The following MMS22L variants were observed in gnomAD, a reference collection of about 807,000 sequenced individuals.
MMS22L encodes the protein protein MMS22-like.
In MMS22L, 74 loss-of-function variants were observed where a neutral mutation model predicts 159.1. That is an observed-to-expected ratio of 0.47 (90% CI 0.39 to 0.56). The LOEUF is 0.56. MMS22L is among the 20% of genes least tolerant of loss of function. The pLI, the probability that MMS22L is intolerant of heterozygous loss-of-function variation, is 0.00. For synonymous variants in MMS22L, 517 were observed against 506.9 expected (o/e 1.02, Z -0.27); for missense variants, 1,351 against 1,422.1 (o/e 0.95, Z 0.80).
chr6:97,176,337 T>C (rs1804110900), intron 18 of MMS22L, among the ~76,000 whole-genome samples: 1 of 152,082 alleles, frequency 6.6e-6, no homozygotes, highest in African/African-American at 2.4e-5. Flanking sequence ...TATTGCTCTA[T>C]GCTTAGGCTT....
chr6:97,191,491 A>G (rs1397243819), intron 14 of MMS22L, among the ~76,000 whole-genome samples: 2 of 150,120 alleles, frequency 1.3e-5, no homozygotes, highest in Non-Finnish European at 2.9e-5. Flanking sequence ...TTTTCATCAC[A>G]TGGAAAAAGC....
chr6:97,250,757 T>C (rs1813152609), intron 10 of MMS22L, among the ~76,000 whole-genome samples: 1 of 152,172 alleles, frequency 6.6e-6, no homozygotes. Context: ...AGATTTCACA[T>C]TAACCTTCAG....
At chr6:97,225,916 G>A (rs188501273) in intron 14 of MMS22L, among the ~76,000 whole-genome samples, 12 of 152,222 alleles carry the variant, frequency 7.9e-5, no homozygotes, top group Non-Finnish European at 1.6e-4. Flanking sequence ...TCCATACAAT[G>A]ATCTAAAAAT....
intron 14 of MMS22L, among the ~76,000 whole-genome samples, chr6:97,211,061 G>A (rs1437836617): frequency 6.6e-6 from 1 of 151,880 alleles, no homozygotes; most frequent in Non-Finnish European, 1.5e-5. Context: ...ACATTTTCAT[G>A]TACACAAGAG....
chr6:97,173,332 C>T (rs1803758429), intron 18 of MMS22L, 110 bp from the exon 19 acceptor site: 3 of 906,744 alleles, frequency 3.3e-6, no homozygotes, highest in Non-Finnish European at 5.0e-6. Context: ...ATACCCTTTA[C>T]ATTTAAGCCT....
At chr6:97,223,696 C>T (rs536419579) in intron 14 of MMS22L, among the ~76,000 whole-genome samples, 25 of 152,102 alleles carry the variant, frequency 1.6e-4, no homozygotes, top group Non-Finnish European at 3.1e-4. Context: ...GTAAACAATC[C>T]TGAATGATCT....
intron 4 of MMS22L, among the ~76,000 whole-genome samples, chr6:97,274,328 A>C (rs1283898916): frequency 6.6e-6 from 1 of 152,134 alleles, no homozygotes; most frequent in African/African-American, 2.4e-5. Flanking sequence ...TTATGGCTTT[A>C]TTTCACCCAT....
At chr6:97,227,030 T>G (rs1364336883) in intron 14 of MMS22L, among the ~76,000 whole-genome samples, 2 of 152,270 alleles carry the variant, frequency 1.3e-5, no homozygotes, top group East Asian at 3.9e-4. Context: ...ACTTGTCACT[T>G]TATATCTCTT....
chr6:97,158,778 G>A (rs1211450630), intron 22 of MMS22L, among the ~76,000 whole-genome samples: 1 of 152,160 alleles, frequency 6.6e-6, no homozygotes, highest in African/African-American at 2.4e-5. Context: ...TGACAAGAAT[G>A]TATATTCTGT....
chr6:97,282,246 A>C lies in MMS22L; in HGVS notation c.164+68T>G, dbSNP rs545941615. 687 of 1,519,400 alleles carry C rather than the reference A, an allele frequency of 4.5e-4. 2 individuals are homozygous for C. The highest frequency in any genetic ancestry group is 5.4e-4 in the Non-Finnish European group (599 of 1,114,598). 94.1% of individuals were successfully genotyped at this position (1,519,400 alleles called of 1,614,324 possible). ...TGAACACCAAAGTTTAATGGGCTGA[A>C]ATAACTAACATTCCTAAAAAACTGG... On this transcript the variant is annotated intron_variant, in intron 2 of 24. Coordinates refer to ENST00000683635, the MANE Select transcript of MMS22L (RefSeq NM_001350599.2).
At chr6:97,276,406 G>A (rs1013983281) in intron 4 of MMS22L, among the ~76,000 whole-genome samples, 30 of 151,762 alleles carry the variant, frequency 2.0e-4, no homozygotes, top group African/African-American at 7.0e-4. Context: ...CATAATAAAT[G>A]CCTTCCATGA....
intron 18 of MMS22L, among the ~76,000 whole-genome samples, chr6:97,174,090 T>C (rs1803858615): frequency 6.6e-6 from 1 of 151,660 alleles, no homozygotes; most frequent in African/African-American, 2.4e-5. Flanking sequence ...CCATCTCTAC[T>C]AAAAATACAA....
chr6:97,181,932 T>G lies in MMS22L; in HGVS notation c.2356A>C (p.Arg786=). The G allele has an allele frequency of 6.2e-7, 1 of 1,612,832 alleles. No individual in the cohort carries two copies. The highest frequency in any genetic ancestry group is 8.5e-7 in the Non-Finnish European group (1 of 1,179,574). The change falls in exon 16 of 25, where the codon AGA becomes CGA. Residue 786 remains arginine (R), a synonymous_variant. Transcript: ENST00000683635. ...DDIICPQVVA[R]YLSHVLQNST... ...TTTTGTAGGACATGACTTAAATATC[T>G]TGCTACAACTTGAGGGCAGATGATA...
intron 14 of MMS22L, among the ~76,000 whole-genome samples, chr6:97,207,943 A>G (rs1807959301): frequency 6.6e-6 from 1 of 152,178 alleles, no homozygotes; most frequent in African/African-American, 2.4e-5. Context: ...AAGAGCACCA[A>G]TGAGAGAAAT....
rs1476527023 is a variant in MMS22L, at chr6:97,144,970, A to G, written c.*1836T>C. The G allele has an allele frequency of 1.3e-5, 2 of 149,952 alleles. No homozygotes were observed. Among genetic ancestry groups the G allele is most frequent in the African/African-American group, 4.9e-5 (2 of 40,468 alleles). 9.3% of individuals were successfully genotyped at this position (149,952 alleles called of 1,614,324 possible). ...TATCCTTTAAACGTTTTCATACTCT[A>G]AGGAGCAAGATTCTCAAAGGTATCT... On this transcript the variant is annotated 3_prime_UTR_variant, in exon 25 of 25. Coordinates refer to ENST00000683635, the MANE Select transcript of MMS22L (RefSeq NM_001350599.2).
At chr6:97,220,221 T>C (rs979295844) in intron 14 of MMS22L, among the ~76,000 whole-genome samples, 2 of 152,302 alleles carry the variant, frequency 1.3e-5, no homozygotes, top group South Asian at 4.1e-4. Context: ...TGGGGATTTC[T>C]TGAGAACTAG....
At chr6:97,245,111 T>C (rs796091697) in intron 11 of MMS22L, among the ~76,000 whole-genome samples, 6 of 151,968 alleles carry the variant, frequency 3.9e-5, no homozygotes, top group Non-Finnish European at 7.4e-5. Flanking sequence ...CTGAGATCTA[T>C]GTAAATATAT....
At chr6:97,170,026 A>C (rs1803364606) in intron 19 of MMS22L, among the ~76,000 whole-genome samples, 1 of 152,082 alleles carries the variant, frequency 6.6e-6, no homozygotes, top group Non-Finnish European at 1.5e-5. Context: ...CTTTTATTAG[A>C]GTCTATTGTC....
chr6:97,277,110 A>G (rs1816310662), intron 4 of MMS22L, among the ~76,000 whole-genome samples: 1 of 152,140 alleles, frequency 6.6e-6, no homozygotes, highest in Non-Finnish European at 1.5e-5. Context: ...AAAATAAACA[A>G]TTTTCATAAA....
Sources: allele counts gnomAD v4.1 joint callset (sites outside exome capture counted in the v4.1 genomes callset), GRCh38; gene constraint gnomAD v4.1.1; transcripts MANE v1.5; gene names NCBI Gene and HGNC (gene_info 2026-07-23, HGNC 2026-07-21).